Variants in RBMS1 observed in about 807,000 individuals in gnomAD.
RBMS1 encodes RNA-binding motif, single-stranded-interacting protein 1.
In RBMS1, 17 loss-of-function variants were observed where a neutral mutation model predicts 62.3. That is an observed-to-expected ratio of 0.27 (90% confidence interval 0.19 to 0.41). The LOEUF is 0.41. Ranked by LOEUF, RBMS1 falls within the 10% of genes least tolerant of loss-of-function variation. RBMS1 has a pLI of 1.00. For synonymous variants in RBMS1, 172 were observed against 170.0 expected (o/e 1.01, Z -0.09); for missense variants, 334 against 504.5 (o/e 0.66, Z 3.24).
chr2:160,433,330 G>A (rs6432617), intron 1 of RBMS1, among the ~76,000 whole-genome samples: 76,702 of 151,988 alleles, frequency 0.5, 20,458 homozygotes, highest in East Asian at 0.63. Context: ...TAGGAGGATC[G>A]CTTGAGCCTG....
At chr2:160,401,625 AC>A (rs1198229919) in intron 1 of RBMS1, among the ~76,000 whole-genome samples, 4 of 152,218 alleles carry the variant, frequency 2.6e-5, no homozygotes, top group African/African-American at 9.6e-5. Context: ...TAATGCAAAG[AC>A]GATATCTTTG....
At chr2:160,305,054 C>A (rs1420986415) in intron 4 of RBMS1, among the ~76,000 whole-genome samples, 3 of 152,136 alleles carry the variant, frequency 2.0e-5, no homozygotes, top group Non-Finnish European at 4.4e-5. Context: ...GGAGTTTCAC[C>A]ATGTTGGCCA....
At chr2:160,277,500 T>C in intron 11 of RBMS1, 117 bp from the exon 12 acceptor site, 1 of 720,822 alleles carries the variant, frequency 1.4e-6, no homozygotes, top group Non-Finnish European at 2.4e-6. Context: ...GAAATTTAAA[T>C]GGGCTACACC....
intron 1 of RBMS1, among the ~76,000 whole-genome samples, chr2:160,448,302 C>T (rs1266931293): frequency 6.6e-6 from 1 of 151,430 alleles, no homozygotes; most frequent in Admixed American, 6.6e-5. Context: ...TCCCCCTCCC[C>T]CTCTCCCGTC....
intron 1 of RBMS1, among the ~76,000 whole-genome samples, chr2:160,383,394 A>C (rs1444435189): frequency 1.4e-5 from 2 of 147,604 alleles, no homozygotes; most frequent in Admixed American, 1.4e-4. Context: ...TAATTAATTA[A>C]TTACAACCAC....
At chr2:160,278,253 C>T (rs1687934991) in intron 11 of RBMS1, 2 of 386,790 alleles carry the variant, frequency 5.2e-6, no homozygotes, top group Non-Finnish European at 9.5e-6. Flanking sequence ...CATGACACTG[C>T]CACAGGGACA....
At chr2:160,347,266 T>G (rs917430441) in intron 2 of RBMS1, among the ~76,000 whole-genome samples, 1 of 152,102 alleles carries the variant, frequency 6.6e-6, no homozygotes. Flanking sequence ...GGTTTAAAGT[T>G]TCAGTGAAAA....
chr2:160,333,484 T>A (rs1320033106), intron 2 of RBMS1, among the ~76,000 whole-genome samples: 1 of 152,102 alleles, frequency 6.6e-6, no homozygotes, highest in African/African-American at 2.4e-5. Context: ...CCAAACCACA[T>A]CCAGAAGAAG....
At chr2:160,295,485 C>T (rs1402307052) in intron 6 of RBMS1, among the ~76,000 whole-genome samples, 1 of 152,210 alleles carries the variant, frequency 6.6e-6, no homozygotes, top group East Asian at 1.9e-4. Flanking sequence ...GACTGAAAAA[C>T]TGTACCCCTG....
rs1365041490 is a variant in RBMS1 at position 160,274,312 on chromosome 2, T to C, written c.*460A>G. On this transcript the variant is annotated 3_prime_UTR_variant, in exon 14 of 14. Coordinates refer to ENST00000348849, the MANE Select transcript of RBMS1 (RefSeq NM_016836.4). Reference sequence around the variant, plus strand: ...GAACACCATGGGTGAAGTCGGACTATTTAAACTTCAGAAAGCCCATTTCAT... The same window carrying C: ...GAACACCATGGGTGAAGTCGGACTACTTAAACTTCAGAAAGCCCATTTCAT... 1 of 152,338 alleles carries C rather than the reference T, an allele frequency of 6.6e-6. No individual in the cohort carries two copies. The highest frequency in any genetic ancestry group is 1.5e-5 in the Non-Finnish European group (1 of 67,962). The allele number at this position is 152,338 out of a possible 1,614,324, so 9.4% of individuals were successfully genotyped here. A position where few individuals can be genotyped will look rare whatever the true frequency, so the allele number is the denominator to read the frequency against.
intron 1 of RBMS1, among the ~76,000 whole-genome samples, chr2:160,439,553 C>T (rs1248481082): frequency 1.3e-5 from 2 of 151,322 alleles, no homozygotes; most frequent in Non-Finnish European, 2.9e-5. Flanking sequence ...CGGGCAGAGA[C>T]GCTCCTCACT....
intron 6 of RBMS1, among the ~76,000 whole-genome samples, chr2:160,300,306 C>A (rs1393312898): frequency 6.6e-6 from 1 of 152,142 alleles, no homozygotes; most frequent in Admixed American, 6.5e-5. Context: ...CTAGGCACTG[C>A]TGGGATAGAA....
At chr2:160,349,553 A>AAG (rs372260654) in intron 2 of RBMS1, among the ~76,000 whole-genome samples, 18,095 of 142,634 alleles carry the variant, frequency 0.13, 1,414 homozygotes, top group East Asian at 0.27. Context: ...CAGAGACAGA[A>AAG]AGAGAGAGAG....
chr2:160,364,241 C>T (rs539597624), intron 2 of RBMS1, among the ~76,000 whole-genome samples: 25 of 152,338 alleles, frequency 1.6e-4, no homozygotes, highest in African/African-American at 5.5e-4. Flanking sequence ...TGCTGGTTAA[C>T]TGTACTGATA....
In RBMS1 at chr2:160,358,270, A is replaced by G. The variant is rs543699290; in HGVS notation, c.251+8946T>C. ...CTTCAACATGGAACCTTACTGGAAT[A>G]CTGTCCATGATGAGAGAATTGAGTT... On this transcript the variant is annotated intron_variant, in intron 2 of 13. Transcript: ENST00000348849. 5.9e-5 allele frequency among the ~76,000 whole-genome samples: 9 copies of G among 152,290 alleles called. No individual in the cohort carries two copies. In the South Asian group the frequency reaches 1.7e-3, roughly 28 times the overall value.
At position 160,477,328 on chromosome 2, in the gene RBMS1, C is replaced by T. The variant is rs146371903; in HGVS notation, c.75+15961G>A. Among the ~76,000 whole-genome samples the T allele has an allele frequency of 7.9e-5, 12 of 152,226 alleles. No homozygotes were observed. In the East Asian group the frequency reaches 2.1e-3, roughly 27 times the overall value. ...CACCACTGCATTCCAGCCTGGGCTACAGAGCGAGACTCTGTTTCAACAACA... is the reference window on the plus strand; with the variant it reads ...CACCACTGCATTCCAGCCTGGGCTATAGAGCGAGACTCTGTTTCAACAACA... On this transcript the variant is annotated intron_variant, in intron 1 of 13. Transcript: ENST00000348849.
At chr2:160,490,062 G>A (rs1025750651) in intron 1 of RBMS1, among the ~76,000 whole-genome samples, 2 of 152,036 alleles carry the variant, frequency 1.3e-5, no homozygotes, top group Non-Finnish European at 2.9e-5. Flanking sequence ...GCAGCCACTG[G>A]TTGAAAATGT....
chr2:160,314,742 T>C (rs529677900), intron 3 of RBMS1, among the ~76,000 whole-genome samples: 6 of 152,264 alleles, frequency 3.9e-5, no homozygotes, highest in East Asian at 3.9e-4. Context: ...ATTTAGACAG[T>C]AGAGAAATAG....
At chr2:160,433,774 CT>C (rs1253717943) in intron 1 of RBMS1, among the ~76,000 whole-genome samples, 7 of 152,304 alleles carry the variant, frequency 4.6e-5, no homozygotes, top group African/African-American at 1.7e-4. Flanking sequence ...ATCTTAAAGC[CT>C]TTTGGCAACA....
Sources: allele counts gnomAD v4.1 joint callset (sites outside exome capture counted in the v4.1 genomes callset), GRCh38; gene constraint gnomAD v4.1.1; transcripts MANE v1.5; gene names NCBI Gene and HGNC (gene_info 2026-07-23, HGNC 2026-07-21).